MAGI1: variants seen among roughly 807,000 people sequenced by gnomAD.
The protein encoded by MAGI1 is membrane-associated guanylate kinase, WW and PDZ domain-containing protein 1.
A neutral mutation model predicts 139.9 loss-of-function variants in MAGI1; 58 were observed. The observed-to-expected ratio is 0.41, with a 90% CI of 0.34 to 0.52. The LOEUF (loss-of-function observed/expected upper bound fraction) is 0.52. Among genes scored for constraint, MAGI1 ranks in the 20% least tolerant of loss-of-function variants. MAGI1 has a pLI of 0.12. For missense variants in MAGI1, 1,874 were observed against 1,901.6 expected, an observed-to-expected ratio of 0.99 and a Z score of 0.27; for synonymous variants, 812 against 737.9, an observed-to-expected ratio of 1.10 and a Z score of -1.63.
chr3:66,001,416 T>C (rs2066731172), intron 1 of MAGI1, among the ~76,000 whole-genome samples: 1 of 152,194 alleles, frequency 6.6e-6, no homozygotes, highest in African/African-American at 2.4e-5. Flanking sequence ...AAAGTTCAGA[T>C]ATGCCAAGAT....
At chr3:65,441,257 G>C (rs1014970354) in intron 8 of MAGI1, among the ~76,000 whole-genome samples, 2 of 152,056 alleles carry the variant, frequency 1.3e-5, no homozygotes, top group Admixed American at 1.3e-4. Context: ...CACCATGCCT[G>C]AACTTATTTT....
intron 1 of MAGI1, among the ~76,000 whole-genome samples, chr3:65,863,987 T>C (rs2059637596): frequency 6.6e-6 from 1 of 152,140 alleles, no homozygotes; most frequent in Non-Finnish European, 1.5e-5. Context: ...GATTATTGTC[T>C]TGCTCTCTAA....
At chr3:65,380,030 A>G (rs1003829210) in intron 16 of MAGI1, among the ~76,000 whole-genome samples, 11 of 152,198 alleles carry the variant, frequency 7.2e-5, no homozygotes, top group African/African-American at 2.7e-4. Flanking sequence ...CAGGCGACAA[A>G]CAGTAAGGTG....
chr3:65,480,740 C>A (rs1050596320), intron 3 of MAGI1, among the ~76,000 whole-genome samples: 24 of 151,946 alleles, frequency 1.6e-4, no homozygotes, highest in Non-Finnish European at 2.9e-4. Context: ...CATGCACCAC[C>A]ACGCCTGGCT....
At chr3:65,471,133 A>G (rs1306332094) in intron 4 of MAGI1, among the ~76,000 whole-genome samples, 2 of 152,156 alleles carry the variant, frequency 1.3e-5, no homozygotes, top group African/African-American at 4.8e-5. Context: ...AGTTACCCCC[A>G]GAACAGTATC....
At chr3:65,387,603 A>T (rs1943557676) in intron 14 of MAGI1, among the ~76,000 whole-genome samples, 1 of 152,250 alleles carries the variant, frequency 6.6e-6, no homozygotes, top group Admixed American at 6.5e-5. Context: ...ACTATACTAC[A>T]GCATTTATTC....
chr3:65,694,401 C>A (rs566920906), intron 1 of MAGI1, among the ~76,000 whole-genome samples: 38 of 152,152 alleles, frequency 2.5e-4, no homozygotes, highest in African/African-American at 8.7e-4. Context: ...AAATGGTATA[C>A]ATAATGTGCT....
At chr3:65,982,995 C>T (rs2065668569) in intron 1 of MAGI1, among the ~76,000 whole-genome samples, 1 of 152,202 alleles carries the variant, frequency 6.6e-6, no homozygotes, top group Non-Finnish European at 1.5e-5. Context: ...TCATAGCTCA[C>T]TGCAACCTCC....
At chr3:65,598,317 G>T (rs773600223) in intron 2 of MAGI1, among the ~76,000 whole-genome samples, 8 of 152,170 alleles carry the variant, frequency 5.3e-5, no homozygotes, top group Admixed American at 2.6e-4. Context: ...GACATGGAAA[G>T]GCGGGAAATA....
chr3:65,447,983 G>T, intron 7 of MAGI1, 39 bp downstream of exon 7: 2 of 1,611,804 alleles, frequency 1.2e-6, no homozygotes, highest in Non-Finnish European at 1.7e-6. Flanking sequence ...GCCATGTCAT[G>T]CACGTGTCAT....
intron 1 of MAGI1, among the ~76,000 whole-genome samples, chr3:65,812,031 C>A (rs114832567): frequency 2.0e-5 from 3 of 152,016 alleles, no homozygotes; most frequent in Admixed American, 1.3e-4. Context: ...CACAAAAACT[C>A]GGCGGGAGAG....
intron 1 of MAGI1, among the ~76,000 whole-genome samples, chr3:65,924,506 C>T (rs114311962): frequency 4.1e-4 from 62 of 152,286 alleles, no homozygotes; most frequent in African/African-American, 1.4e-3. Context: ...TAGGAGAAGC[C>T]ATCATTTCCG....
intron 1 of MAGI1, among the ~76,000 whole-genome samples, chr3:65,869,063 C>T (rs1395579602): frequency 6.6e-6 from 1 of 151,744 alleles, no homozygotes; most frequent in Non-Finnish European, 1.5e-5. Context: ...GTCAGGAGAT[C>T]GAGACCACGG....
At chr3:65,864,946 C>A (rs556998420) in intron 1 of MAGI1, among the ~76,000 whole-genome samples, 14 of 152,280 alleles carry the variant, frequency 9.2e-5, no homozygotes, top group African/African-American at 3.4e-4. Context: ...AAGCAGCACT[C>A]CTCTTCAATA....
chr3:66,017,626 A>G (rs2067724144), intron 1 of MAGI1, among the ~76,000 whole-genome samples: 1 of 152,190 alleles, frequency 6.6e-6, no homozygotes, highest in Admixed American at 6.5e-5. Flanking sequence ...GCTAAACTGG[A>G]GAGGATGGTA....
intron 13 of MAGI1, 60 bp downstream of exon 13, chr3:65,401,375 CACCT>C: frequency 2.3e-5 from 23 of 1,008,100 alleles, no homozygotes; most frequent in Non-Finnish European, 3.2e-5. Context: ...AGTACCCTCC[CACCT>C]CCAGCCCCCC....
intron 5 of MAGI1, 58 bp downstream of exon 5, chr3:65,470,225 G>C: frequency 1.6e-6 from 2 of 1,231,376 alleles, no homozygotes; most frequent in Non-Finnish European, 1.2e-6. Flanking sequence ...GCTAGACAGA[G>C]GGAAGGAAGG....
chr3:66,028,776 C>G (rs1285452368), intron 1 of MAGI1, among the ~76,000 whole-genome samples: 1 of 152,128 alleles, frequency 6.6e-6, no homozygotes, highest in Non-Finnish European at 1.5e-5. Context: ...TTCCTTCCTA[C>G]TTGTCTGAAC....
At chr3:65,791,776 T>C (rs1455650404) in intron 1 of MAGI1, among the ~76,000 whole-genome samples, 2 of 152,202 alleles carry the variant, frequency 1.3e-5, no homozygotes, top group Non-Finnish European at 2.9e-5. Context: ...TGAATATATA[T>C]TACTTCCATA....
Sources: allele counts gnomAD v4.1 joint callset (sites outside exome capture counted in the v4.1 genomes callset), GRCh38; gene constraint gnomAD v4.1.1; transcripts MANE v1.5; gene names NCBI Gene and HGNC (gene_info 2026-07-23, HGNC 2026-07-21).